The following GRID2 variants were observed in gnomAD, a reference collection of about 807,000 sequenced individuals.
The protein encoded by GRID2 is glutamate receptor ionotropic, delta-2.
GRID2 carries 33 observed loss-of-function variants against 114.8 expected under a neutral mutation model. The observed-to-expected ratio is 0.29, with a 90% CI of 0.22 to 0.38. The LOEUF is 0.38. Ranked by LOEUF, GRID2 falls within the 10% of genes least tolerant of loss-of-function variation. GRID2 has a pLI of 1.00. For synonymous variants in GRID2, 505 were observed against 449.9 expected (o/e 1.12, Z -1.55); for missense variants, 1,184 against 1,257.7 (o/e 0.94, Z 0.89).
At chr4:92,725,855 T>G (rs1447105563) in intron 2 of GRID2, among the ~76,000 whole-genome samples, 1 of 152,144 alleles carries the variant, frequency 6.6e-6, no homozygotes, top group African/African-American at 2.4e-5. Flanking sequence ...AATGCAGTTA[T>G]ATAGAGATAA....
intron 8 of GRID2, among the ~76,000 whole-genome samples, chr4:93,267,066 C>T (rs1388180085): frequency 6.6e-6 from 1 of 151,428 alleles, no homozygotes; most frequent in Non-Finnish European, 1.5e-5. Context: ...AGCTGTTTCA[C>T]TTATGATAAT....
intron 1 of GRID2, among the ~76,000 whole-genome samples, chr4:92,490,761 C>G (rs1723110249): frequency 6.6e-6 from 1 of 152,054 alleles, no homozygotes; most frequent in Non-Finnish European, 1.5e-5. Context: ...TCCAAAGTCC[C>G]CAAATAAAGC....
chr4:92,800,662 A>G (rs1740107602), intron 2 of GRID2, among the ~76,000 whole-genome samples: 1 of 151,982 alleles, frequency 6.6e-6, no homozygotes, highest in South Asian at 2.1e-4. Flanking sequence ...TGTAAAGCAT[A>G]ATAGGACGAT....
chr4:92,981,473 TG>T (rs1462023531), intron 2 of GRID2, among the ~76,000 whole-genome samples: 1 of 151,984 alleles, frequency 6.6e-6, no homozygotes, highest in East Asian at 1.9e-4. Context: ...CACTTGTAAA[TG>T]TGGAAAGCAT....
intron 2 of GRID2, among the ~76,000 whole-genome samples, chr4:92,639,187 T>C (rs943186748): frequency 2.6e-5 from 4 of 151,736 alleles, no homozygotes; most frequent in Admixed American, 6.6e-5. Flanking sequence ...AATCTATTTA[T>C]ATTTCTGTTG....
chr4:92,547,698 T>A (rs987979163), intron 1 of GRID2, among the ~76,000 whole-genome samples: 1 of 152,088 alleles, frequency 6.6e-6, no homozygotes. Context: ...TTTCTTTATA[T>A]GCCAGCATAC....
At chr4:92,387,326 T>A (rs191494160) in intron 1 of GRID2, among the ~76,000 whole-genome samples, 74 of 152,106 alleles carry the variant, frequency 4.9e-4, no homozygotes, top group South Asian at 6.2e-4. Context: ...TTCACATACT[T>A]TTTATTGTGT....
intron 2 of GRID2, among the ~76,000 whole-genome samples, chr4:93,057,088 A>G (rs1329731252): frequency 6.6e-6 from 1 of 151,820 alleles, no homozygotes; most frequent in Non-Finnish European, 1.5e-5. Flanking sequence ...AGCTCTATAT[A>G]ATTGAAGAGA....
rs574632721 is a variant in GRID2, at chr4:93,773,608, G to A, written c.*1110G>A. 1.1e-4 allele frequency: 17 copies of A among 152,138 alleles called. No individual in the cohort carries two copies. In the South Asian group the frequency reaches 2.7e-3, roughly 24 times the overall value. The allele number at this position is 152,138 out of a possible 1,614,324, so 9.4% of individuals were successfully genotyped here. ...TGAACCACATCCACAACAGCACATA[G>A]AGCTCTAGAAGAGTTGAAACATAGA... On this transcript the variant is annotated 3_prime_UTR_variant, in exon 16 of 16. Coordinates refer to ENST00000282020, the MANE Select transcript of GRID2 (RefSeq NM_001510.4).
chr4:93,798,190 G>C lies in GRID2; in HGVS notation c.222-8525G>C, dbSNP rs574215679. On this transcript the variant is annotated intron_variant, in intron 1 of 1. Coordinates refer to the GRID2 transcript ENST00000637838. Reference sequence around the variant, plus strand: ...AAATAAAAAATAAAAAGAGGAGCAGGAGTCAATGGGTTGTGGAGATTGTGC... The same window carrying C: ...AAATAAAAAATAAAAAGAGGAGCAGCAGTCAATGGGTTGTGGAGATTGTGC... Among the ~76,000 whole-genome samples the C allele has an allele frequency of 2.0e-5, 3 of 152,086 alleles. No individual in the cohort carries two copies. In the East Asian group the frequency reaches 5.8e-4, roughly 29 times the overall value.
At chr4:93,529,324 A>G (rs933907713) in intron 13 of GRID2, among the ~76,000 whole-genome samples, 5 of 152,182 alleles carry the variant, frequency 3.3e-5, no homozygotes, top group Admixed American at 2.6e-4. Flanking sequence ...TCTGGGTACT[A>G]TTTAAAAGCC....
At chr4:93,637,680 A>G (rs1721537079) in intron 14 of GRID2, among the ~76,000 whole-genome samples, 1 of 152,176 alleles carries the variant, frequency 6.6e-6, no homozygotes, top group African/African-American at 2.4e-5. Flanking sequence ...GCATCAGCTG[A>G]CCAGAAGTAA....
chr4:93,595,199 C>A (rs951214908), intron 13 of GRID2, among the ~76,000 whole-genome samples: 1 of 152,184 alleles, frequency 6.6e-6, no homozygotes, highest in South Asian at 2.1e-4. Context: ...CTGTAATATC[C>A]CTTTCTTCAA....
intron 13 of GRID2, among the ~76,000 whole-genome samples, chr4:93,542,437 G>A (rs1732744397): frequency 6.6e-6 from 1 of 152,086 alleles, no homozygotes; most frequent in Admixed American, 6.6e-5. Flanking sequence ...CCAACAAATA[G>A]CCAACAATTC....
At chr4:93,531,756 C>A (rs1260087383) in intron 13 of GRID2, among the ~76,000 whole-genome samples, 1 of 152,004 alleles carries the variant, frequency 6.6e-6, no homozygotes, top group African/African-American at 2.4e-5. Flanking sequence ...AATATATATA[C>A]ATATTACAGA....
intron 1 of GRID2, among the ~76,000 whole-genome samples, chr4:92,493,540 A>G (rs1429572579): frequency 6.6e-6 from 1 of 152,182 alleles, no homozygotes; most frequent in East Asian, 1.9e-4. Context: ...ACTCAAGTGC[A>G]GCAGCTTAGA....
intron 2 of GRID2, among the ~76,000 whole-genome samples, chr4:93,013,254 A>G (rs1167192792): frequency 1.3e-5 from 2 of 151,968 alleles, no homozygotes; most frequent in African/African-American, 4.8e-5. Flanking sequence ...GAGAGATGGT[A>G]TGGATGATTA....
Position 93,705,269 on chromosome 4 carries a change from C to G in GRID2, c.2361-63941C>G, listed in dbSNP as rs1373711298. On this transcript the variant is annotated intron_variant, in intron 14 of 15. Coordinates refer to ENST00000282020, the MANE Select transcript of GRID2 (RefSeq NM_001510.4). ...TTGTATGTCTTATTTTGAGAAATGT[C>G]TATTCAGATCTTTTGCCTAGTTTTT... is the stretch of plus-strand genomic sequence containing the variant. Among the ~76,000 whole-genome samples, 5 of 151,672 alleles carry G rather than the reference C, an allele frequency of 3.3e-5. No homozygotes were observed. In the South Asian group the frequency reaches 1.0e-3, roughly 32 times the overall value.
chr4:93,317,095 TAA>T, intron 8 of GRID2, among the ~76,000 whole-genome samples: 1 of 152,224 alleles, frequency 6.6e-6, no homozygotes, highest in East Asian at 1.9e-4. Context: ...TAATATTTTT[TAA>T]TTACCGAATG....
Sources: allele counts gnomAD v4.1 joint callset (sites outside exome capture counted in the v4.1 genomes callset), GRCh38; gene constraint gnomAD v4.1.1; transcripts MANE v1.5; gene names NCBI Gene and HGNC (gene_info 2026-07-23, HGNC 2026-07-21).